The following TTC29 variants were observed in gnomAD, a reference collection of about 807,000 sequenced individuals.
TTC29 encodes the protein tetratricopeptide repeat protein 29.
In TTC29, 49 loss-of-function variants were observed where a neutral mutation model predicts 58.1. The observed-to-expected ratio is 0.84, with a 90% CI of 0.67 to 1.07. TTC29 has a LOEUF of 1.07. Among genes scored for constraint, TTC29 ranks in the 50% least tolerant of loss-of-function variants. The probability of loss-of-function intolerance (pLI) is 0.00; values close to 1 mark genes in which losing one functional copy is unlikely to be tolerated. For synonymous variants in TTC29, 209 were observed against 196.8 expected (o/e 1.06, Z -0.52); for missense variants, 582 against 555.6 (o/e 1.05, Z -0.48).
chr4:146,801,457 C>G (rs564600839), intron 11 of TTC29, among the ~76,000 whole-genome samples: 1 of 152,092 alleles, frequency 6.6e-6, no homozygotes, highest in Non-Finnish European at 1.5e-5. Context: ...GCATATATTT[C>G]TAATGTAGGT....
intron 8 of TTC29, among the ~76,000 whole-genome samples, chr4:146,863,640 T>C (rs1480507866): frequency 3.3e-5 from 5 of 152,174 alleles, no homozygotes; most frequent in Admixed American, 3.3e-4. Flanking sequence ...ATTTGTTACT[T>C]ATTGTAAGGT....
At chr4:146,797,206 T>G (rs1044315317) in intron 11 of TTC29, among the ~76,000 whole-genome samples, 2 of 152,216 alleles carry the variant, frequency 1.3e-5, no homozygotes, top group Non-Finnish European at 2.9e-5. Flanking sequence ...AAAATCAGAT[T>G]TCTCCATTTA....
chr4:146,770,059 G>C (rs748226674), intron 11 of TTC29, among the ~76,000 whole-genome samples: 16 of 151,904 alleles, frequency 1.1e-4, no homozygotes, highest in South Asian at 2.1e-4. Flanking sequence ...TGGTTTTCAG[G>C]CTTATAATTC....
At chr4:146,828,638 CA>C (rs945698228) in intron 9 of TTC29, among the ~76,000 whole-genome samples, 2 of 150,944 alleles carry the variant, frequency 1.3e-5, no homozygotes, top group African/African-American at 4.9e-5. Context: ...AAGAAACAAG[CA>C]AAAAAAACTA....
chr4:146,792,460 C>CAAAGT (rs2150104535), intron 11 of TTC29, among the ~76,000 whole-genome samples: 1 of 152,226 alleles, frequency 6.6e-6, no homozygotes, highest in South Asian at 2.1e-4. Context: ...AGATTCTTCT[C>CAAAGT]AAAGTATTAC....
chr4:146,890,469 C>T (rs919103842), intron 6 of TTC29, among the ~76,000 whole-genome samples: 1 of 152,084 alleles, frequency 6.6e-6, no homozygotes, highest in Non-Finnish European at 1.5e-5. Flanking sequence ...GGTAGAAAGG[C>T]CCACCCCACC....
chr4:146,762,916 T>A (rs1440867330), intron 11 of TTC29, among the ~76,000 whole-genome samples: 1 of 152,088 alleles, frequency 6.6e-6, no homozygotes, highest in African/African-American at 2.4e-5. Context: ...TTATTTCAAC[T>A]TTGAGCTGCA....
At chr4:146,848,421 G>A (rs952123753) in intron 8 of TTC29, among the ~76,000 whole-genome samples, 12 of 152,174 alleles carry the variant, frequency 7.9e-5, no homozygotes, top group African/African-American at 2.9e-4. Flanking sequence ...GCTATAGGTA[G>A]TCATAAAGAG....
At chr4:146,775,059 G>T (rs1747991191) in intron 11 of TTC29, among the ~76,000 whole-genome samples, 1 of 152,008 alleles carries the variant, frequency 6.6e-6, no homozygotes, top group African/African-American at 2.4e-5. Flanking sequence ...CTAACAATTA[G>T]AATAGCAATC....
chr4:146,894,646 G>T (rs543282730), intron 6 of TTC29, among the ~76,000 whole-genome samples: 19 of 151,472 alleles, frequency 1.3e-4, no homozygotes, highest in South Asian at 1.2e-3. Context: ...TAACCTACAC[G>T]TTGTGCACAT....
chr4:146,878,066 C>T (rs1196677481), intron 6 of TTC29, among the ~76,000 whole-genome samples: 1 of 152,150 alleles, frequency 6.6e-6, no homozygotes, highest in East Asian at 1.9e-4. Flanking sequence ...TGTTACCTTA[C>T]TGAGTCTTGG....
At chr4:146,828,923 G>A (rs2150151799) in intron 9 of TTC29, among the ~76,000 whole-genome samples, 1 of 152,262 alleles carries the variant, frequency 6.6e-6, no homozygotes, top group East Asian at 1.9e-4. Flanking sequence ...TTAAAAGTTA[G>A]TGACAGATTT....
At chr4:146,801,108 G>C (rs1750187091) in intron 11 of TTC29, among the ~76,000 whole-genome samples, 1 of 152,174 alleles carries the variant, frequency 6.6e-6, no homozygotes, top group Non-Finnish European at 1.5e-5. Context: ...GAGGACAGGG[G>C]AGGGAAGTGG....
At chr4:146,739,550 C>T (rs557917278) in intron 11 of TTC29, among the ~76,000 whole-genome samples, 1 of 152,188 alleles carries the variant, frequency 6.6e-6, no homozygotes, top group Non-Finnish European at 1.5e-5. Context: ...AATTTACATC[C>T]TAGCACAGGG....
intron 9 of TTC29, among the ~76,000 whole-genome samples, chr4:146,827,673 T>G (rs1205446271): frequency 6.6e-6 from 1 of 152,182 alleles, no homozygotes; most frequent in Non-Finnish European, 1.5e-5. Flanking sequence ...TGGCCACAAG[T>G]GGCTGTGGGA....
At chr4:146,780,288 T>A (rs1169408610) in intron 11 of TTC29, among the ~76,000 whole-genome samples, 1 of 145,246 alleles carries the variant, frequency 6.9e-6, no homozygotes, top group Non-Finnish European at 1.5e-5. Context: ...TCTGAATGAG[T>A]CTTCCTAACT....
chr4:146,915,368 C>A (rs1409346866), intron 4 of TTC29, among the ~76,000 whole-genome samples: 1 of 152,026 alleles, frequency 6.6e-6, no homozygotes, highest in Non-Finnish European at 1.5e-5. Flanking sequence ...TTATCCATGG[C>A]AATCCATGTT....
intron 7 of TTC29, among the ~76,000 whole-genome samples, chr4:146,873,024 C>T (rs1450173062): frequency 6.6e-6 from 1 of 152,052 alleles, no homozygotes; most frequent in Non-Finnish European, 1.5e-5. Context: ...GGCGATTTGG[C>T]CCTATATGAT....
At chr4:146,853,342 T>C (rs1729630913) in intron 8 of TTC29, among the ~76,000 whole-genome samples, 1 of 152,132 alleles carries the variant, frequency 6.6e-6, no homozygotes, top group Non-Finnish European at 1.5e-5. Context: ...TATGTATTTA[T>C]ATATAAGTAG....
Sources: allele counts gnomAD v4.1 joint callset (sites outside exome capture counted in the v4.1 genomes callset), GRCh38; gene constraint gnomAD v4.1.1; transcripts MANE v1.5; gene names NCBI Gene and HGNC (gene_info 2026-07-23, HGNC 2026-07-21).